The following RELB variants were observed in gnomAD, a reference collection of about 807,000 sequenced individuals.
RELB encodes the protein RELB proto-oncogene, NF-kB subunit, also known as transcription factor RelB.
In RELB, 14 loss-of-function variants were observed where a neutral mutation model predicts 55.4. That is an observed-to-expected ratio of 0.25 (90% CI 0.17 to 0.40). RELB has a LOEUF of 0.40. Among genes scored for constraint, RELB ranks in the 10% least tolerant of loss-of-function variants. The pLI, the probability that RELB is intolerant of heterozygous loss-of-function variation, is 1.00. For synonymous variants in RELB, 409 were observed against 371.3 expected (o/e 1.10, Z -1.17); for missense variants, 669 against 830.7 (o/e 0.81, Z 2.39).
chr19:45,032,811 A>C, intron 9 of RELB, 62 bp downstream of exon 9: 1 of 1,397,878 alleles, frequency 7.2e-7, no homozygotes, highest in South Asian at 1.3e-5. Context: ...CCTTGGGGAG[A>C]CCCCAGTGGG....
At position 45,037,675 on chromosome 19, in the gene RELB, C is replaced by A; in HGVS notation, c.1625C>A (p.Pro542Gln). The A allele has an allele frequency of 6.4e-7, 1 of 1,567,696 alleles. No individual in the cohort carries two copies. The highest frequency in any genetic ancestry group is 8.6e-7 in the Non-Finnish European group (1 of 1,160,822). ...EPLTLDSYQAPGPGDGGTASL... is the reference protein window; with the variant it reads ...EPLTLDSYQAQGPGDGGTASL... ...CTGACACTGGACTCGTACCAGGCCC[C>A]GGGCCCCGGGGATGGAGGCACCGCC... Residue 542 changes from proline to glutamine, a missense_variant, in exon 12 of 12, where the codon CCG becomes CAG. Physicochemically the swap from Pro to Gln is moderately conservative, Grantham distance 76. This residue lies in a region of RELB where 341 missense variants were observed against 436.8 expected (regional missense o/e 0.78). Transcript: ENST00000221452.
chr19:45,025,560 G>A (rs1186288269), intron 6 of RELB, 46 bp from the exon 7 acceptor site: 1 of 1,611,616 alleles, frequency 6.2e-7, no homozygotes, highest in African/African-American at 1.3e-5. Context: ...ACCCCAGAGA[G>A]GGTCTCCACT....
At chr19:45,010,020 G>A (rs190537013) in intron 3 of RELB, among the ~76,000 whole-genome samples, 198 bp downstream of exon 3, 32 of 152,112 alleles carry the variant, frequency 2.1e-4, no homozygotes, top group Non-Finnish European at 4.3e-4. Flanking sequence ...TCAGCACGCC[G>A]GGGGCTGTGT....
intron 7 of RELB, among the ~76,000 whole-genome samples, chr19:45,027,101 C>T (rs923781371): frequency 6.6e-6 from 1 of 151,876 alleles, no homozygotes; most frequent in African/African-American, 2.4e-5. Context: ...GGCGTCGTGG[C>T]GGGCGCCTGT....
intron 7 of RELB, among the ~76,000 whole-genome samples, chr19:45,028,206 G>C (rs747866752): frequency 8.6e-5 from 13 of 151,606 alleles, no homozygotes; most frequent in Non-Finnish European, 1.8e-4. Context: ...TTTTTTGAGA[G>C]AGATGGGGGT....
intron 11 of RELB, among the ~76,000 whole-genome samples, chr19:45,035,381 T>C (rs1209033160): frequency 1.3e-5 from 2 of 151,850 alleles, no homozygotes; most frequent in African/African-American, 4.8e-5. Context: ...TAGCCGAGTG[T>C]GGTGGTGCAC....
At chr19:45,012,352 T>A (rs1381792607) in intron 4 of RELB, 76 bp downstream of exon 4, 3 of 872,688 alleles carry the variant, frequency 3.4e-6, no homozygotes, top group Non-Finnish European at 4.7e-6. Flanking sequence ...CATGCATTTA[T>A]ACGTTTATTT....
chr19:45,036,834 A>G (rs191669563), intron 11 of RELB, among the ~76,000 whole-genome samples: 45 of 152,198 alleles, frequency 3.0e-4, no homozygotes, highest in Non-Finnish European at 6.0e-4. Flanking sequence ...GGGCACCACC[A>G]CACCCAGCTA....
chr19:45,021,630 A>G (rs1971489697), intron 4 of RELB, among the ~76,000 whole-genome samples: 1 of 116,200 alleles, frequency 8.6e-6, no homozygotes, highest in African/African-American at 3.4e-5. Flanking sequence ...GCTGGAGTGC[A>G]GTGTCAAGAA....
intron 2 of RELB, 98 bp from the exon 3 acceptor site, chr19:45,009,716 C>G: frequency 7.1e-7 from 1 of 1,410,718 alleles, no homozygotes; most frequent in African/African-American, 1.4e-5. Flanking sequence ...GGAAGGGTCA[C>G]AGGAGGGACA....
intron 8 of RELB, among the ~76,000 whole-genome samples, chr19:45,031,797 C>T (rs537568566): frequency 4.6e-4 from 70 of 150,796 alleles, no homozygotes; most frequent in African/African-American, 1.6e-3. Flanking sequence ...GGGGTAGTCT[C>T]GATCTCCTGA....
At chr19:45,020,246 G>A (rs1183229389) in intron 4 of RELB, among the ~76,000 whole-genome samples, 1 of 125,636 alleles carries the variant, frequency 8.0e-6, no homozygotes, top group Non-Finnish European at 1.7e-5. Flanking sequence ...TTTCTTTTTT[G>A]AGACAGGGAC....
chr19:45,036,088 T>C (rs1448263359), intron 11 of RELB, among the ~76,000 whole-genome samples: 3 of 152,176 alleles, frequency 2.0e-5, no homozygotes, highest in African/African-American at 7.2e-5. Flanking sequence ...TCCCTCTTTT[T>C]TTTTGAGATA....
intron 2 of RELB, among the ~76,000 whole-genome samples, chr19:45,008,243 A>G (rs1351083415): frequency 6.6e-6 from 1 of 152,186 alleles, no homozygotes; most frequent in Non-Finnish European, 1.5e-5. Flanking sequence ...CAAGGTAGGC[A>G]TTATTATTGT....
chr19:45,030,122 G>A (rs1170255848), intron 8 of RELB, among the ~76,000 whole-genome samples: 1 of 150,414 alleles, frequency 6.6e-6, no homozygotes, highest in Non-Finnish European at 1.5e-5. Flanking sequence ...AGCCAAGATT[G>A]CACCACTGCT....
intron 3 of RELB, among the ~76,000 whole-genome samples, chr19:45,010,704 G>A (rs1169401985): frequency 6.6e-6 from 1 of 152,160 alleles, no homozygotes; most frequent in East Asian, 1.9e-4. Flanking sequence ...TTGAGACAGA[G>A]TCTCGCTCTG....
intron 11 of RELB, among the ~76,000 whole-genome samples, chr19:45,036,282 G>A (rs1315649091): frequency 2.0e-5 from 3 of 152,038 alleles, no homozygotes; most frequent in Non-Finnish European, 2.9e-5. Context: ...CATGTTGGCC[G>A]GGCTGGTCTT....
intron 4 of RELB, among the ~76,000 whole-genome samples, chr19:45,018,720 A>T (rs188658565): frequency 2.0e-5 from 3 of 150,128 alleles, no homozygotes; most frequent in Admixed American, 6.7e-5. Context: ...CTTGTTGCCC[A>T]GGCTGTAGTG....
At chr19:45,025,021 G>A (rs1025735855) in intron 5 of RELB, among the ~76,000 whole-genome samples, 1 of 151,972 alleles carries the variant, frequency 6.6e-6, no homozygotes, top group Non-Finnish European at 1.5e-5. Flanking sequence ...TACTATGTCT[G>A]CTAATTTTTG....
Sources: gnomAD v4.1 joint callset for allele counts (sites outside exome capture counted in the v4.1 genomes callset) on GRCh38, gnomAD v4.1.1 for gene constraint, gnomAD v4.1.1 regional missense constraint, MANE v1.5 for transcripts, NCBI Gene and HGNC (gene_info 2026-07-23, HGNC 2026-07-21) for gene names.